IGSF10: variants seen among roughly 807,000 people sequenced by gnomAD.
IGSF10 encodes the protein calvaria mechanical force protein 608.
IGSF10 carries 126 observed loss-of-function variants against 128.2 expected under a neutral mutation model. The ratio of observed to expected loss-of-function variants is 0.98; its 90% confidence interval spans 0.85 to 1.14. The LOEUF (loss-of-function observed/expected upper bound fraction) is 1.14, where lower values mean the gene tolerates loss of function less well. IGSF10 is among the 50% of genes most tolerant of loss of function. The pLI is 0.00. For synonymous variants in IGSF10, 1,185 were observed against 1,146.2 expected, an observed-to-expected ratio of 1.03 and a Z score of -0.68; for missense variants, 3,295 against 3,149.8, an observed-to-expected ratio of 1.05 and a Z score of -1.10.
the IGSF10 span, among the ~76,000 whole-genome samples, chr3:151,538,983 C>T: frequency 0.4 from 60,337 of 151,922 alleles, 12,223 homozygotes; most frequent in South Asian, 0.47. Context: ...TGAAGAGGCA[C>T]GATAAAGAGC....
At chr3:151,594,544 A>G in the IGSF10 span, among the ~76,000 whole-genome samples, 1 of 150,928 alleles carries the variant, frequency 6.6e-6, no homozygotes, top group African/African-American at 2.4e-5. Flanking sequence ...CGTGGTCTCT[A>G]TCTCCTGACC....
At chr3:151,558,255 C>T in the IGSF10 span, among the ~76,000 whole-genome samples, 1 of 150,838 alleles carries the variant, frequency 6.6e-6, no homozygotes, top group African/African-American at 2.4e-5. Context: ...AAAAAGAAAT[C>T]ATTTCCATTT....
At position 151,447,963 on chromosome 3, in the gene IGSF10, T is replaced by A; in HGVS notation, c.2018A>T (p.Asp673Val). Residue 673 changes from aspartate to valine, a missense_variant, in exon 6 of 8, where the codon GAT (aspartate) becomes GTT (valine). Physicochemically the swap from Asp to Val is radical, Grantham distance 152. Coordinates refer to ENST00000282466, the MANE Select transcript of IGSF10 (RefSeq NM_178822.5). Reference protein sequence around the residue: ...KMKGQRPLEHDGETEGSGLDE... With the variant: ...KMKGQRPLEHVGETEGSGLDE... ...AAGTCCAGATCCCTCTGTTTCTCCA[T>A]CATGCTCCAAGGGCCTTTGTCCTTT... The A allele has an allele frequency of 6.2e-7, 1 of 1,614,136 alleles. No individual in the cohort carries two copies.
In IGSF10 at chr3:151,445,652, G is replaced by A. The variant is rs1257861899; in HGVS notation, c.4329C>T (p.Ser1443=). The change falls in exon 6 of 8, where the codon TCC becomes TCT. Residue 1443 remains serine, a synonymous_variant. Coordinates refer to ENST00000282466, the MANE Select transcript of IGSF10 (RefSeq NM_178822.5). ...KSTIASETTL[S]SKSHQSTTTR... is the part of the protein sequence containing the mutation. ...TTGTGGTACTCTGGTGTGATTTGCT[G>A]GACAAAGTTGTTTCAGAAGCAATTG... is the stretch of plus-strand genomic sequence containing the variant. 3.7e-6 allele frequency: 6 copies of A among 1,614,196 alleles called. 1 individual carries two copies. The highest frequency in any genetic ancestry group is 5.1e-6 in the Non-Finnish European group (6 of 1,180,032).
chr3:151,604,472 C>A, the IGSF10 span, among the ~76,000 whole-genome samples: 1 of 151,630 alleles, frequency 6.6e-6, no homozygotes, highest in African/African-American at 2.4e-5. Context: ...CTTGATAAGC[C>A]TTTCTACCTT....
chr3:151,493,241 T>A, the IGSF10 span, among the ~76,000 whole-genome samples: 1 of 152,222 alleles, frequency 6.6e-6, no homozygotes, highest in Non-Finnish European at 1.5e-5. Flanking sequence ...TTATTGTTAA[T>A]AAAATTATAT....
the IGSF10 span, among the ~76,000 whole-genome samples, chr3:151,572,228 G>C: frequency 1.3e-5 from 2 of 152,154 alleles, no homozygotes; most frequent in Non-Finnish European, 2.9e-5. Context: ...GATGATGCTG[G>C]CCTCATAAAA....
At position 151,447,671 on chromosome 3, in the gene IGSF10, G is replaced by T. The variant is rs776671713; in HGVS notation, c.2310C>A (p.Asp770Glu). The T allele has an allele frequency of 1.2e-6, 2 of 1,614,056 alleles. No individual in the cohort carries two copies. The highest frequency in any genetic ancestry group is 1.7e-6 in the Non-Finnish European group (2 of 1,180,038). ...GGCTCACTGTGGTATTTTCTCGCTTGTCTGGCATAGCATTCTTTTTAGCTT... is the reference window on the plus strand; with the variant it reads ...GGCTCACTGTGGTATTTTCTCGCTTTTCTGGCATAGCATTCTTTTTAGCTT... Reference protein sequence around the residue: ...LEKAKKNAMPDKRENTTVSPP... With the variant: ...LEKAKKNAMPEKRENTTVSPP... Residue 770 changes from aspartate (D) to glutamate (E), a missense_variant, in exon 6 of 8, where the codon GAC (aspartate) becomes GAA (glutamate). Transcript: ENST00000282466.
upstream of IGSF10, among the ~76,000 whole-genome samples, chr3:151,463,523 G>GGTTTTTTTTTTTGTTTT (rs1553837068): frequency 1.9e-4 from 6 of 31,272 alleles, 1 homozygote; most frequent in African/African-American, 7.4e-4. Context: ...ACATTTTCTG[G>GGTTTTTTTTTTTGTTTT]TTTTTTTTTT....
At chr3:151,495,696 A>G in the IGSF10 span, among the ~76,000 whole-genome samples, 1 of 152,082 alleles carries the variant, frequency 6.6e-6, no homozygotes, top group Admixed American at 6.6e-5. Context: ...ATGGAGTGAA[A>G]TGGCCAAAAG....
chr3:151,437,177 G>GA lies in IGSF10; in HGVS notation c.7383_7384insT (p.Pro2462SerfsTer19). 6.2e-7 allele frequency: 1 copy of GA among 1,614,112 alleles called. No individual in the cohort carries two copies. The highest frequency in any genetic ancestry group is 8.5e-7 in the Non-Finnish European group (1 of 1,180,022). On this transcript the variant is annotated frameshift_variant, in exon 8 of 8. Transcript: ENST00000282466. LOFTEE classifies it low-confidence loss of function (END_TRUNC). ...CTTGGCATAGTCCATTTGATATTTG[G>GA]CTTAGGGATTCCATCAGACACACAA...
chr3:151,605,315 T>C, the IGSF10 span, among the ~76,000 whole-genome samples: 1 of 152,218 alleles, frequency 6.6e-6, no homozygotes, highest in African/African-American at 2.4e-5. Flanking sequence ...TGGGGATCAA[T>C]TGTACCCATA....
the IGSF10 span, among the ~76,000 whole-genome samples, chr3:151,557,795 C>T: frequency 1.3e-5 from 2 of 150,914 alleles, no homozygotes; most frequent in Non-Finnish European, 2.9e-5. Context: ...TCGTTATTTG[C>T]TACAAATGAT....
the IGSF10 span, among the ~76,000 whole-genome samples, chr3:151,551,661 TTACACACACA>T: frequency 2.0e-4 from 19 of 96,770 alleles, no homozygotes; most frequent in African/African-American, 7.9e-4. Flanking sequence ...AACATGGGCA[TTACACACACA>T]CACACACACA....
the IGSF10 span, among the ~76,000 whole-genome samples, chr3:151,541,467 T>A: frequency 1.3e-5 from 2 of 152,174 alleles, no homozygotes; most frequent in African/African-American, 2.4e-5. Flanking sequence ...TCAGTTTTCT[T>A]ATAGTCATAT....
chr3:151,580,507 C>T, the IGSF10 span, among the ~76,000 whole-genome samples: 1 of 152,130 alleles, frequency 6.6e-6, no homozygotes, highest in South Asian at 2.1e-4. Flanking sequence ...TTCATGTATA[C>T]AATGCATAAA....
At chr3:151,530,414 A>G in the IGSF10 span, among the ~76,000 whole-genome samples, 1 of 152,154 alleles carries the variant, frequency 6.6e-6, no homozygotes, top group Non-Finnish European at 1.5e-5. Flanking sequence ...CATAATCATC[A>G]GATTCACCAA....
At chr3:151,521,372 C>A in the IGSF10 span, among the ~76,000 whole-genome samples, 1 of 151,848 alleles carries the variant, frequency 6.6e-6, no homozygotes. Context: ...ATTTGATATA[C>A]CTTTACAGAA....
At chr3:151,453,285 T>C in intron 5 of IGSF10, 99 bp downstream of exon 5, 4 of 906,252 alleles carry the variant, frequency 4.4e-6, no homozygotes, top group South Asian at 2.0e-5. Context: ...GATGTTATTT[T>C]CTCTCCTAAA....
Sources: gnomAD v4.1 joint callset for allele counts (sites outside exome capture counted in the v4.1 genomes callset) on GRCh38, gnomAD v4.1.1 for gene constraint, MANE v1.5 for transcripts, NCBI Gene and HGNC (gene_info 2026-07-23, HGNC 2026-07-21) for gene names.